MRI1: variants seen among roughly 807,000 people sequenced by gnomAD.
The protein encoded by MRI1 is methylthioribose-1-phosphate isomerase 1.
In MRI1, 32 loss-of-function variants were observed where a neutral mutation model predicts 27.3. The observed-to-expected ratio is 1.17, with a 90% CI of 0.88 to 1.57. MRI1 has a LOEUF of 1.57. Among genes scored for constraint, MRI1 ranks in the 40% most tolerant of loss-of-function variants. The pLI is 0.00. For missense variants in MRI1, 508 were observed against 516.1 expected (o/e 0.98, Z 0.15); for synonymous variants, 216 against 227.4 (o/e 0.95, Z 0.45).
At chr19:13,765,825 G>A in intron 2 of MRI1, 129 bp from the exon 3 acceptor site, 1 of 1,082,090 alleles carries the variant, frequency 9.2e-7, no homozygotes, top group Non-Finnish European at 1.3e-6. Context: ...TGGCCGAAGG[G>A]TCCAGGCCCC....
chr19:13,764,939 C>T lies in MRI1; in HGVS notation c.201C>T (p.Ala67=), dbSNP rs1349811415. The T allele has an allele frequency of 2.0e-6, 3 of 1,497,988 alleles. No individual in the cohort carries two copies. The highest frequency in any genetic ancestry group is 2.7e-6 in the Non-Finnish European group (3 of 1,129,174). 92.8% of individuals were successfully genotyped at this position (1,497,988 alleles called of 1,614,324 possible). A position where few individuals can be genotyped will look rare whatever the true frequency, so the allele number is the denominator to read the frequency against. ...LSLAVELQAG[A]GGPGLAALVA... is the part of the protein sequence containing the mutation. ...TCGCCGTGGAGCTGCAGGCGGGCGC[C>T]GGGGGACCGGGACTCGCCGCGCTCG... Residue 67 remains alanine, a synonymous_variant, in exon 2 of 6, where the codon GCC becomes GCT. Coordinates refer to ENST00000040663, the MANE Select transcript of MRI1 (RefSeq NM_001031727.4).
intron 2 of MRI1, among the ~76,000 whole-genome samples, chr19:13,765,602 C>T (rs1001508787): frequency 2.6e-5 from 4 of 152,204 alleles, no homozygotes; most frequent in Admixed American, 6.5e-5. Context: ...CCCTCCTCCA[C>T]CATTCTATAT....
intron 3 of MRI1, chr19:13,768,353 A>T: frequency 7.3e-7 from 1 of 1,374,378 alleles, no homozygotes; most frequent in Non-Finnish European, 1.0e-6. Flanking sequence ...GGTGTCCTTT[A>T]AACAGACGTG....
At chr19:13,771,071 T>A (rs142706895) in intron 5 of MRI1, among the ~76,000 whole-genome samples, 20 of 150,314 alleles carry the variant, frequency 1.3e-4, no homozygotes, top group African/African-American at 4.6e-4. Flanking sequence ...CTAAAAAAAT[T>A]GTTTTGCCAG....
intron 2 of MRI1, 101 bp downstream of exon 2, chr19:13,765,210 G>A (rs1236822924): frequency 6.8e-6 from 7 of 1,023,044 alleles, no homozygotes; most frequent in Non-Finnish European, 9.3e-6. Flanking sequence ...GAGGCACGGC[G>A]ACCTTAAGTC....
At chr19:13,766,764 G>A (rs571660863) in intron 3 of MRI1, among the ~76,000 whole-genome samples, 1 of 152,080 alleles carries the variant, frequency 6.6e-6, no homozygotes, top group Admixed American at 6.6e-5. Context: ...CATTTAGTAA[G>A]CACCTGCTGT....
intron 5 of MRI1, among the ~76,000 whole-genome samples, chr19:13,771,307 C>A (rs972171115): frequency 5.3e-5 from 8 of 151,698 alleles, no homozygotes; most frequent in African/African-American, 1.9e-4. Flanking sequence ...GCACAGGTTG[C>A]AGTGAGTTGA....
chr19:13,772,147 G>A lies in MRI1; in HGVS notation c.976G>A (p.Asp326Asn), dbSNP rs767627706. ...PGIGVWNPAFDVTPHDLITGG... is the reference protein window; with the variant it reads ...PGIGVWNPAFNVTPHDLITGG... Reference sequence around the variant, plus strand: ...GATTGGAGTTTGGAATCCTGCCTTCGATGTCACCCCCCACGACCTCATCAC... The same window carrying A: ...GATTGGAGTTTGGAATCCTGCCTTCAATGTCACCCCCCACGACCTCATCAC... The change falls in exon 6 of 6, where the codon GAT becomes AAT. Residue 326 changes from aspartate (D) to asparagine (N), a missense_variant. Physicochemically the swap from Asp to Asn is conservative, Grantham distance 23. Coordinates refer to ENST00000040663, the MANE Select transcript of MRI1 (RefSeq NM_001031727.4). 6.3e-5 allele frequency: 101 copies of A among 1,613,022 alleles called. No homozygotes were observed. The highest frequency in any genetic ancestry group is 1.6e-4 in the Middle Eastern group (1 of 6,074).
intron 2 of MRI1, among the ~76,000 whole-genome samples, chr19:13,765,678 T>C (rs1974106612): frequency 6.6e-6 from 1 of 152,246 alleles, no homozygotes; most frequent in South Asian, 2.1e-4. Context: ...TTATTATCTC[T>C]TCATCAGCTG....
chr19:13,766,087 A>G lies in MRI1; in HGVS notation c.505A>G (p.Asn169Asp), dbSNP rs777594032. The G allele has an allele frequency of 6.2e-7, 1 of 1,610,400 alleles. No individual in the cohort carries two copies. ...GGKVTVLTHCNTGALATAGYG... is the reference protein window; with the variant it reads ...GGKVTVLTHCDTGALATAGYG... The stretch of plus-strand genomic sequence containing the variant: ...CAAGGTGACTGTGCTGACCCACTGT[A>G]ACACTGGTGCTCTGGCCACCGCTGG... The change falls in exon 3 of 6, where the codon AAC becomes GAC. Residue 169 changes from asparagine to aspartate, a missense_variant. By Grantham distance (23) the Asn-to-Asp change is conservative. This residue lies in a region of MRI1 where 457 missense variants were observed against 452.8 expected (regional missense o/e 1.01). Transcript: ENST00000040663.
chr19:13,766,918 T>TCCAG (rs1974136836), intron 3 of MRI1, among the ~76,000 whole-genome samples: 1 of 150,282 alleles, frequency 6.7e-6, no homozygotes, highest in Non-Finnish European at 1.5e-5. Flanking sequence ...GGGGACTGGT[T>TCCAG]CCAGGACCTC....
intron 3 of MRI1, among the ~76,000 whole-genome samples, chr19:13,766,517 G>A (rs1974128335): frequency 1.3e-5 from 2 of 152,172 alleles, no homozygotes; most frequent in Admixed American, 1.3e-4. Flanking sequence ...CATATGCCTA[G>A]AGCCAGGGCA....
chr19:13,766,213 C>CT, intron 3 of MRI1, 84 bp downstream of exon 3: 1 of 1,307,778 alleles, frequency 7.6e-7, no homozygotes, highest in South Asian at 1.6e-5. Flanking sequence ...ACCCAAACCA[C>CT]TTTATCCACA....
intron 4 of MRI1, 31 bp downstream of exon 4, chr19:13,768,768 C>A: frequency 6.3e-7 from 1 of 1,597,296 alleles, no homozygotes; most frequent in Non-Finnish European, 8.6e-7. Flanking sequence ...GGGGGCGGGG[C>A]TCTGGAGCAT....
chr19:13,773,484 T>C lies in MRI1; in HGVS notation c.*1203T>C, dbSNP rs1212989177. On this transcript the variant is annotated 3_prime_UTR_variant, in exon 6 of 6. Coordinates refer to ENST00000040663, the MANE Select transcript of MRI1 (RefSeq NM_001031727.4). ...TCTACAAACAAAAATTTAAAAACAATGAGCTGGGCATGGAACTCACACCTC... is the reference window on the plus strand; with the variant it reads ...TCTACAAACAAAAATTTAAAAACAACGAGCTGGGCATGGAACTCACACCTC... The C allele has an allele frequency of 1.3e-5, 2 of 152,272 alleles. No individual in the cohort carries two copies. The highest frequency in any genetic ancestry group is 2.9e-5 in the Non-Finnish European group (2 of 68,012). The allele number at this position is 152,272 out of a possible 1,614,324, so 9.4% of individuals were successfully genotyped here.
At chr19:13,769,261 T>A (rs1274463543) in intron 5 of MRI1, among the ~76,000 whole-genome samples, 1 of 152,152 alleles carries the variant, frequency 6.6e-6, no homozygotes, top group Non-Finnish European at 1.5e-5. Flanking sequence ...CCTCCCGGGC[T>A]CAAGCAGTTC....
At chr19:13,771,630 G>A (rs906055800) in intron 5 of MRI1, among the ~76,000 whole-genome samples, 1 of 152,204 alleles carries the variant, frequency 6.6e-6, no homozygotes, top group African/African-American at 2.4e-5. Flanking sequence ...GGGAGGCCGA[G>A]GCGGGCAGAT....
Position 13,765,012 on chromosome 19 carries a change from A to T in MRI1, c.274A>T (p.Thr92Ser). 6.6e-7 allele frequency: 1 copy of T among 1,525,550 alleles called. No homozygotes were observed. Among genetic ancestry groups the T allele is most frequent in the Non-Finnish European group, 8.8e-7 (1 of 1,141,884 alleles). The allele number at this position is 1,525,550 out of a possible 1,614,324, so 94.5% of individuals were successfully genotyped here. A position where few individuals can be genotyped will look rare whatever the true frequency, so the allele number is the denominator to read the frequency against. ...KLSFLVTARP[T>S]AVNMARAARD... ...GAGCTTCCTCGTCACCGCCCGGCCCACCGCTGTCAACATGGCCCGCGCCGC... is the reference window on the plus strand; with the variant it reads ...GAGCTTCCTCGTCACCGCCCGGCCCTCCGCTGTCAACATGGCCCGCGCCGC... The change falls in exon 2 of 6, where the codon ACC becomes TCC. Residue 92 changes from threonine to serine, a missense_variant. Physicochemically the swap from Thr to Ser is moderately conservative, Grantham distance 58. Transcript: ENST00000040663.
In MRI1 at chr19:13,768,594, T is replaced by A. The variant is rs1363301365; in HGVS notation, c.581T>A (p.Leu194Gln). 1 of 1,611,362 alleles carries A rather than the reference T, an allele frequency of 6.2e-7. No individual in the cohort carries two copies. Among genetic ancestry groups the A allele is most frequent in the African/African-American group, 1.3e-5 (1 of 74,884 alleles). ...CGCTCACTGCACAGCCTGGGCCGCC[T>A]GGAGCATGCCTTCTGCACAGAGACC... is the stretch of plus-strand genomic sequence containing the variant. ...VIRSLHSLGR[L>Q]EHAFCTETRP... The change falls in exon 4 of 6, where the codon CTG becomes CAG. Residue 194 changes from leucine to glutamine, a missense_variant. Around this residue, in one of 3 missense-constraint regions of MRI1, gnomAD observed 457 missense variants for 452.8 expected, o/e 1.01. Coordinates refer to ENST00000040663, the MANE Select transcript of MRI1 (RefSeq NM_001031727.4).
Sources: allele counts gnomAD v4.1 joint callset (sites outside exome capture counted in the v4.1 genomes callset), GRCh38; gene constraint gnomAD v4.1.1; regional missense constraint gnomAD v4.1.1; transcripts MANE v1.5; gene names NCBI Gene and HGNC (gene_info 2026-07-23, HGNC 2026-07-21).